Variants in SGF29 observed in about 807,000 individuals in gnomAD.
SGF29 encodes SAGA complex associated factor 29, also known as SAGA-associated factor 29.
In SGF29, 15 loss-of-function variants were observed where a neutral mutation model predicts 38.1. The ratio of observed to expected loss-of-function variants is 0.39; its 90% CI spans 0.26 to 0.61. SGF29 has a LOEUF of 0.61. SGF29 is among the 20% of genes least tolerant of loss of function. The pLI is 0.49. For missense variants in SGF29, 184 were observed against 394.6 expected (o/e 0.47, Z 4.52); for synonymous variants, 151 against 160.8 (o/e 0.94, Z 0.46).
At chr16:28,566,508 G>A (rs1387162239) in intron 1 of SGF29, among the ~76,000 whole-genome samples, 1 of 152,032 alleles carries the variant, frequency 6.6e-6, no homozygotes, top group African/African-American at 2.4e-5. Context: ...ATTATGTGGG[G>A]CTGGGCGTGG....
chr16:28,581,289 G>A (rs2046924269), intron 2 of SGF29, 145 bp downstream of exon 2: 1 of 705,500 alleles, frequency 1.4e-6, no homozygotes. Flanking sequence ...GGAATTTGGT[G>A]TATGGCTACC....
At chr16:28,578,724 C>T (rs540469128) in intron 1 of SGF29, among the ~76,000 whole-genome samples, 2 of 148,326 alleles carry the variant, frequency 1.3e-5, no homozygotes, top group East Asian at 2.0e-4. Flanking sequence ...GGGTGGATCA[C>T]GAGGTCAGGA....
Position 28,565,116 on chromosome 16 carries a change from C to T in SGF29, c.-16+11019C>T, listed in dbSNP as rs192347912. ...CGTGACACAGAACAGAGCCAGCACG[C>T]GGACTCAGCAAGCTGCTGGTCCCCC... On this transcript the variant is annotated intron_variant, in intron 1 of 9. Coordinates refer to ENST00000317058, the MANE Select transcript of SGF29 (RefSeq NM_138414.3). Among the ~76,000 whole-genome samples, 205 of 152,186 alleles carry T rather than the reference C, an allele frequency of 1.3e-3. 4 individuals carry two copies. In the South Asian group the frequency reaches 0.039, roughly 29 times the overall value.
At position 28,590,936 on chromosome 16, in the gene SGF29, G is replaced by C. The variant is rs111843285; in HGVS notation, c.765+1G>C. On this transcript the variant is annotated splice_donor_variant, in intron 9 of 9. Transcript: ENST00000317058. LOFTEE classifies it high-confidence loss of function. The surrounding 1 kb of genome is among the most constrained non-coding windows in gnomAD (Gnocchi z 8.2). ...CCTGATCCATGCGCCCCCACAGCGG[G>C]TAAAGCAGCCTCCAGGGGAGAGGCC... The C allele has an allele frequency of 6.2e-7, 1 of 1,606,818 alleles. No homozygotes were observed. Among genetic ancestry groups the C allele is most frequent in the Non-Finnish European group, 8.5e-7 (1 of 1,176,342 alleles).
intron 2 of SGF29, among the ~76,000 whole-genome samples, chr16:28,581,591 G>A (rs552301450): frequency 8.6e-5 from 13 of 151,816 alleles, no homozygotes; most frequent in Admixed American, 7.9e-4. Context: ...GCTGGAGTGC[G>A]GTGGCGCGAT....
At chr16:28,564,561 A>G (rs540496764) in intron 1 of SGF29, among the ~76,000 whole-genome samples, 1 of 134,550 alleles carries the variant, frequency 7.4e-6, no homozygotes, top group East Asian at 2.0e-4. Flanking sequence ...GTATATATAT[A>G]TATACGTATA....
At chr16:28,564,082 A>G (rs376404270) in intron 1 of SGF29, among the ~76,000 whole-genome samples, 43 of 152,208 alleles carry the variant, frequency 2.8e-4, no homozygotes, top group African/African-American at 9.6e-4. Flanking sequence ...CACATGAGAC[A>G]GTGAGACAGG....
chr16:28,576,978 G>A (rs1370828688), intron 1 of SGF29, among the ~76,000 whole-genome samples: 3 of 152,012 alleles, frequency 2.0e-5, no homozygotes, highest in Non-Finnish European at 4.4e-5. Context: ...ATTCGAGACC[G>A]GCCTGGCTAA....
At chr16:28,570,011 G>A (rs1468896099) in intron 1 of SGF29, among the ~76,000 whole-genome samples, 1 of 152,228 alleles carries the variant, frequency 6.6e-6, no homozygotes, top group Non-Finnish European at 1.5e-5. Flanking sequence ...AGAGCCTTGG[G>A]CCCAGGCAGA....
chr16:28,587,414 T>C (rs968494168), intron 4 of SGF29, among the ~76,000 whole-genome samples: 2 of 152,232 alleles, frequency 1.3e-5, no homozygotes, highest in African/African-American at 4.8e-5. Context: ...AGAGTTCCCT[T>C]TGGCCCCGTG....
intron 4 of SGF29, among the ~76,000 whole-genome samples, chr16:28,587,933 G>T (rs916384910): frequency 2.0e-5 from 3 of 152,106 alleles, no homozygotes; most frequent in Non-Finnish European, 4.4e-5. Context: ...CCAAGTAGCT[G>T]GGATTATAGA....
At chr16:28,571,570 C>T (rs1357422991) in intron 1 of SGF29, among the ~76,000 whole-genome samples, 3 of 141,330 alleles carry the variant, frequency 2.1e-5, no homozygotes, top group African/African-American at 2.6e-5. Context: ...TCCAGCCTGG[C>T]GACAGAACTA....
intron 2 of SGF29, among the ~76,000 whole-genome samples, chr16:28,583,725 T>C (rs867265889): frequency 1.5e-4 from 23 of 152,352 alleles, no homozygotes; most frequent in African/African-American, 5.5e-4. Context: ...TGTCTATTTC[T>C]GGACTCTGAA....
intron 1 of SGF29, among the ~76,000 whole-genome samples, chr16:28,564,666 C>CATATATGTATATATATGTATATATGTGT (rs1555474841): frequency 4.9e-5 from 3 of 61,588 alleles, no homozygotes; most frequent in African/African-American, 1.6e-4. Context: ...TATATATATG[C>CATATATGTATATATATGTATATATGTGT]ATATATATGT....
At chr16:28,571,039 GTGTT>G (rs975025103) in intron 1 of SGF29, among the ~76,000 whole-genome samples, 2 of 152,142 alleles carry the variant, frequency 1.3e-5, no homozygotes, top group African/African-American at 2.4e-5. Context: ...TGTGGTCTGA[GTGTT>G]TGTGTTCCCC....
At chr16:28,587,544 G>C (rs942154178) in intron 4 of SGF29, among the ~76,000 whole-genome samples, 15 of 152,186 alleles carry the variant, frequency 9.9e-5, no homozygotes, top group African/African-American at 3.6e-4. Flanking sequence ...CGTTGGTTTG[G>C]CTGCCCTTGG....
intron 1 of SGF29, among the ~76,000 whole-genome samples, chr16:28,564,616 CATATATGCATATATATACGTATATAT>C (rs1388499742): frequency 1.1e-4 from 12 of 108,314 alleles, no homozygotes; most frequent in African/African-American, 4.4e-4. Flanking sequence ...TATATATATA[CATATATGCATATATATACGTATATAT>C]GTGTATATAT....
intron 1 of SGF29, among the ~76,000 whole-genome samples, chr16:28,573,893 G>C (rs1414396188): frequency 6.6e-6 from 1 of 152,120 alleles, no homozygotes; most frequent in Non-Finnish European, 1.5e-5. Flanking sequence ...CAGATGACTT[G>C]GCCACGTGGT....
At chr16:28,557,965 GTTTTT>G (rs753237384) in intron 1 of SGF29, among the ~76,000 whole-genome samples, 1,073 of 65,560 alleles carry the variant, frequency 0.016, 7 homozygotes, top group Non-Finnish European at 0.023. Context: ...TTCTTTCTCT[GTTTTT>G]TTTTTTTTTT....
Sources: allele counts gnomAD v4.1 joint callset (sites outside exome capture counted in the v4.1 genomes callset), GRCh38; gene constraint gnomAD v4.1.1; non-coding constraint Gnocchi (gnomAD v3.1); transcripts MANE v1.5; gene names NCBI Gene and HGNC (gene_info 2026-07-23, HGNC 2026-07-21).